Variants in XPR1 observed in about 807,000 individuals in gnomAD.
XPR1 encodes xenotropic and polytropic retrovirus receptor 1, also known as solute carrier family 53 member 1.
A neutral mutation model predicts 87.5 loss-of-function variants in XPR1; 28 were observed. The observed-to-expected ratio is 0.32, with a 90% CI of 0.24 to 0.44. XPR1 has a LOEUF of 0.44. Among genes scored for constraint, XPR1 ranks in the 20% least tolerant of loss-of-function variants. The pLI is 1.00. For missense variants in XPR1, 559 were observed against 862.3 expected, an observed-to-expected ratio of 0.65 and a Z score of 4.41; for synonymous variants, 300 against 306.1, an observed-to-expected ratio of 0.98 and a Z score of 0.21.
intron 11 of XPR1, among the ~76,000 whole-genome samples, chr1:180,859,034 G>A (rs929858980): frequency 0.011 from 3 of 262 alleles, no homozygotes; most frequent in African/African-American, 0.015. Context: ...ACTAGGTCCA[G>A]TCTGTTGTGT....
intron 9 of XPR1, among the ~76,000 whole-genome samples, chr1:180,827,645 G>T (rs1312502776): frequency 6.6e-6 from 1 of 151,896 alleles, no homozygotes; most frequent in East Asian, 1.9e-4. Flanking sequence ...TATATTTGTG[G>T]TTTGTTGTTT....
intron 2 of XPR1, among the ~76,000 whole-genome samples, chr1:180,718,120 T>A (rs978310732): frequency 1.2e-4 from 18 of 152,198 alleles, no homozygotes; most frequent in African/African-American, 4.3e-4. Context: ...AAAAAGGTGG[T>A]AGTACTACTG....
In XPR1 at chr1:180,692,778, T is replaced by C. The variant is rs541800540; in HGVS notation, c.121+10367T>C. On this transcript the variant is annotated intron_variant, in intron 2 of 14. Transcript: ENST00000367590. ...AGATCTAATTTAATGCTCATTGTTATGACGTTAGATAATGATATAAATAGT... is the reference window on the plus strand; with the variant it reads ...AGATCTAATTTAATGCTCATTGTTACGACGTTAGATAATGATATAAATAGT... 1.6e-4 allele frequency among the ~76,000 whole-genome samples: 24 copies of C among 152,306 alleles called. 1 individual carries two copies. The highest frequency in any genetic ancestry group is 3.4e-3 in the Middle Eastern group (1 of 294).
chr1:180,799,595 A>C (rs1649707498), intron 3 of XPR1, among the ~76,000 whole-genome samples: 1 of 152,202 alleles, frequency 6.6e-6, no homozygotes, highest in African/African-American at 2.4e-5. Flanking sequence ...GTGGTGCTGG[A>C]GAAGCATTAT....
At chr1:180,649,688 T>G (rs1406160377) in intron 1 of XPR1, among the ~76,000 whole-genome samples, 1 of 152,198 alleles carries the variant, frequency 6.6e-6, no homozygotes, top group East Asian at 1.9e-4. Flanking sequence ...GGGCTAGAGA[T>G]CCTACTATTT....
intron 2 of XPR1, among the ~76,000 whole-genome samples, chr1:180,685,833 A>T (rs974802988): frequency 2.0e-5 from 3 of 151,934 alleles, no homozygotes; most frequent in African/African-American, 7.3e-5. Context: ...CGGTGGTGAT[A>T]TCCCCTTTAT....
At chr1:180,719,199 A>G (rs546291799) in intron 2 of XPR1, among the ~76,000 whole-genome samples, 1 of 152,370 alleles carries the variant, frequency 6.6e-6, no homozygotes, top group South Asian at 2.1e-4. Flanking sequence ...GAACCTGAGA[A>G]CAGAGATTCT....
At chr1:180,705,879 A>G (rs537050388) in intron 2 of XPR1, among the ~76,000 whole-genome samples, 68 of 152,362 alleles carry the variant, frequency 4.5e-4, no homozygotes, top group Admixed American at 2.6e-4. Flanking sequence ...CCATGAAAGA[A>G]TCTTCCTAAA....
Position 180,702,147 on chromosome 1 carries a change from C to T in XPR1, c.121+19736C>T, listed in dbSNP as rs533280517. 6.5e-5 allele frequency among the ~76,000 whole-genome samples: 5 copies of T among 77,358 alleles called. No individual in the cohort carries two copies. The South Asian group carries it at 1.5e-3, about 23-fold the overall frequency. 50.7% of individuals were successfully genotyped at this position (77,358 alleles called of 152,430 possible). On this transcript the variant is annotated intron_variant, in intron 2 of 14. Coordinates refer to ENST00000367590, the MANE Select transcript of XPR1 (RefSeq NM_004736.4). ...TTCTGGTATGTGGTGTCTTTGTTCT[C>T]GTTGGTTTCAAAGAACATCTTTATT...
intron 2 of XPR1, among the ~76,000 whole-genome samples, chr1:180,734,446 C>T (rs764725334): frequency 4.6e-5 from 7 of 152,096 alleles, no homozygotes; most frequent in Non-Finnish European, 1.0e-4. Context: ...GTGGGTTAGG[C>T]AATCATGATG....
chr1:180,673,598 T>G, intron 1 of XPR1, among the ~76,000 whole-genome samples: 1 of 152,194 alleles, frequency 6.6e-6, no homozygotes, highest in East Asian at 1.9e-4. Flanking sequence ...CCGCCTGAGC[T>G]CTGCCTCCCA....
In XPR1 at chr1:180,888,752, C is replaced by T. The variant is rs1463795507; in HGVS notation, c.*4686C>T. 2.0e-5 allele frequency: 3 copies of T among 152,148 alleles called. No individual in the cohort carries two copies. Among genetic ancestry groups the T allele is most frequent in the African/African-American group, 7.2e-5 (3 of 41,448 alleles). 9.4% of individuals were successfully genotyped at this position (152,148 alleles called of 1,614,324 possible). A position where few individuals can be genotyped will look rare whatever the true frequency, so the allele number is the denominator to read the frequency against. The stretch of plus-strand genomic sequence containing the variant: ...TCAGAAGTCAGTCTTGATAGTAAAT[C>T]CTACAAACTCTCAACTTTCTGCATT... On this transcript the variant is annotated 3_prime_UTR_variant, in exon 15 of 15. Transcript: ENST00000367590.
intron 2 of XPR1, among the ~76,000 whole-genome samples, chr1:180,708,906 TTTTGGGGG>T (rs1657648420): frequency 3.2e-5 from 1 of 31,378 alleles, no homozygotes; most frequent in African/African-American, 1.1e-4. Flanking sequence ...TTTTTTTTTT[TTTTGGGGG>T]GGGGGGGGCG....
At chr1:180,880,673 GT>G (rs1558050320) in intron 14 of XPR1, among the ~76,000 whole-genome samples, 1 of 152,114 alleles carries the variant, frequency 6.6e-6, no homozygotes, top group Non-Finnish European at 1.5e-5. Flanking sequence ...CTTAATTTCT[GT>G]TTTCTGCCCC....
At chr1:180,790,736 T>C (rs1043663210) in intron 3 of XPR1, among the ~76,000 whole-genome samples, 4 of 151,890 alleles carry the variant, frequency 2.6e-5, no homozygotes, top group African/African-American at 9.7e-5. Context: ...AGAGACGGGG[T>C]TTCACCGTGT....
At chr1:180,674,316 T>G (rs1250627591) in intron 1 of XPR1, among the ~76,000 whole-genome samples, 2 of 152,220 alleles carry the variant, frequency 1.3e-5, no homozygotes, top group East Asian at 3.8e-4. Flanking sequence ...TGGAGTGCAG[T>G]GGCACGATCT....
intron 1 of XPR1, among the ~76,000 whole-genome samples, chr1:180,664,106 A>C (rs1557946133): frequency 6.6e-6 from 1 of 152,108 alleles, no homozygotes. Flanking sequence ...GGGGACCCCA[A>C]AAGCCTGCTT....
chr1:180,854,518 G>T (rs1265369710), intron 11 of XPR1, among the ~76,000 whole-genome samples: 1 of 152,184 alleles, frequency 6.6e-6, no homozygotes, highest in African/African-American at 2.4e-5. Flanking sequence ...GAGCACAGAG[G>T]CATCTTGTGC....
intron 2 of XPR1, among the ~76,000 whole-genome samples, chr1:180,740,256 G>A (rs777392172): frequency 1.3e-5 from 2 of 152,072 alleles, no homozygotes; most frequent in Non-Finnish European, 1.5e-5. Context: ...TCCCATCTTA[G>A]CCTTTACCAT....
Sources: gnomAD v4.1 joint callset for allele counts (sites outside exome capture counted in the v4.1 genomes callset) on GRCh38, gnomAD v4.1.1 for gene constraint, MANE v1.5 for transcripts, NCBI Gene and HGNC (gene_info 2026-07-23, HGNC 2026-07-21) for gene names.